The following MALRD1 variants were observed in gnomAD, a reference collection of about 807,000 sequenced individuals.
MALRD1 encodes the protein MAM and LDL-receptor class A domain-containing protein 1.
Under a neutral mutation model 242.1 loss-of-function variants are expected in MALRD1, and 247 were observed. That is an observed-to-expected ratio of 1.02 (90% CI 0.92 to 1.13). The LOEUF (loss-of-function observed/expected upper bound fraction) is 1.13, where lower values mean the gene tolerates loss of function less well. MALRD1 is among the 50% of genes most tolerant of loss of function. The pLI, the probability that MALRD1 is intolerant of heterozygous loss-of-function variation, is 0.00. For missense variants in MALRD1, 2,989 were observed against 2,533.1 expected (o/e 1.18, Z -3.86); for synonymous variants, 995 against 866.6 (o/e 1.15, Z -2.60).
chr10:19,517,325 G>A (rs1281609839), intron 31 of MALRD1, among the ~76,000 whole-genome samples: 1 of 152,126 alleles, frequency 6.6e-6, no homozygotes, highest in Non-Finnish European at 1.5e-5. Context: ...GTGAAAACAT[G>A]GGCAATTTCT....
At chr10:19,365,459 G>C (rs1048137842) in intron 26 of MALRD1, among the ~76,000 whole-genome samples, 1 of 151,876 alleles carries the variant, frequency 6.6e-6, no homozygotes, top group African/African-American at 2.4e-5. Context: ...CTAATTTTGT[G>C]ATCAAGAAAT....
intron 21 of MALRD1, among the ~76,000 whole-genome samples, chr10:19,302,168 A>G (rs569436208): frequency 5.1e-4 from 77 of 151,920 alleles, no homozygotes; most frequent in Non-Finnish European, 1.0e-3. Flanking sequence ...GCTAATGGTA[A>G]TGTAAAATTA....
At chr10:19,224,937 G>A (rs1341485249) in intron 18 of MALRD1, among the ~76,000 whole-genome samples, 3 of 152,036 alleles carry the variant, frequency 2.0e-5, no homozygotes, top group Non-Finnish European at 4.4e-5. Context: ...AATGGTATTG[G>A]CTAGGTTTTC....
At chr10:19,508,755 C>T (rs921697647) in intron 31 of MALRD1, among the ~76,000 whole-genome samples, 1 of 152,084 alleles carries the variant, frequency 6.6e-6, no homozygotes, top group African/African-American at 2.4e-5. Flanking sequence ...AATGTGGCTA[C>T]TAAATATTCT....
chr10:19,571,757 T>C (rs1836552601), intron 33 of MALRD1, among the ~76,000 whole-genome samples: 1 of 152,148 alleles, frequency 6.6e-6, no homozygotes, highest in African/African-American at 2.4e-5. Context: ...AAAAAGTCTA[T>C]ACCATTAAAA....
At chr10:19,355,440 TAAA>T (rs889224839) in intron 26 of MALRD1, among the ~76,000 whole-genome samples, 1 of 151,718 alleles carries the variant, frequency 6.6e-6, no homozygotes, top group African/African-American at 2.4e-5. Context: ...TACATTAAAA[TAAA>T]AAAGAGTATT....
chr10:19,068,989 ATAG>A (rs1171340302), intron 2 of MALRD1, among the ~76,000 whole-genome samples: 3 of 152,132 alleles, frequency 2.0e-5, no homozygotes, highest in Admixed American at 2.0e-4. Flanking sequence ...TATAGATAAA[ATAG>A]TAGTACTACA....
At chr10:19,379,393 TTGA>T (rs1845743303) in intron 26 of MALRD1, among the ~76,000 whole-genome samples, 1 of 152,130 alleles carries the variant, frequency 6.6e-6, no homozygotes, top group Non-Finnish European at 1.5e-5. Context: ...ACTTAGTTAA[TTGA>T]TTTTGGATCT....
At chr10:19,477,979 G>T (rs1836820409) in intron 29 of MALRD1, among the ~76,000 whole-genome samples, 1 of 152,142 alleles carries the variant, frequency 6.6e-6, no homozygotes, top group South Asian at 2.1e-4. Context: ...ACAGTTGCCG[G>T]CATTCGCCTG....
At chr10:19,658,600 A>G (rs1000702657) in intron 36 of MALRD1, among the ~76,000 whole-genome samples, 1 of 152,142 alleles carries the variant, frequency 6.6e-6, no homozygotes, top group African/African-American at 2.4e-5. Context: ...TGCTCTGTCA[A>G]AAGCTGGGCT....
At chr10:19,694,961 C>G (rs1833298046) in intron 38 of MALRD1, among the ~76,000 whole-genome samples, 2 of 152,136 alleles carry the variant, frequency 1.3e-5, no homozygotes, top group South Asian at 4.1e-4. Context: ...TCTCAGCAAA[C>G]TACCACAAGG....
intron 38 of MALRD1, among the ~76,000 whole-genome samples, chr10:19,718,945 T>C (rs1834553954): frequency 6.6e-6 from 1 of 151,282 alleles, no homozygotes; most frequent in South Asian, 2.1e-4. Flanking sequence ...GGCAGGAGGA[T>C]TGCTTGAGTC....
At chr10:19,339,413 G>A (rs896480963) in intron 24 of MALRD1, among the ~76,000 whole-genome samples, 1 of 152,064 alleles carries the variant, frequency 6.6e-6, no homozygotes, top group African/African-American at 2.4e-5. Context: ...TGCCCAAAAA[G>A]CTCCTCACAC....
At chr10:19,345,066 A>G (rs1050077976) in intron 24 of MALRD1, among the ~76,000 whole-genome samples, 1 of 152,150 alleles carries the variant, frequency 6.6e-6, no homozygotes, top group Non-Finnish European at 1.5e-5. Context: ...AAATAATAGG[A>G]TATGAAATTA....
At chr10:19,499,952 G>A (rs1837896168) in intron 31 of MALRD1, among the ~76,000 whole-genome samples, 1 of 152,134 alleles carries the variant, frequency 6.6e-6, no homozygotes, top group South Asian at 2.1e-4. Flanking sequence ...TGCATCTTAG[G>A]AATGAACCCT....
At chr10:19,591,857 G>A (rs1236334870) in intron 33 of MALRD1, among the ~76,000 whole-genome samples, 7 of 152,278 alleles carry the variant, frequency 4.6e-5, no homozygotes, top group Middle Eastern at 3.4e-3. Flanking sequence ...GATAAAGATA[G>A]TACATCTTCC....
At chr10:19,416,385 A>C (rs1034627008) in intron 28 of MALRD1, among the ~76,000 whole-genome samples, 1 of 152,206 alleles carries the variant, frequency 6.6e-6, no homozygotes, top group African/African-American at 2.4e-5. Context: ...GGCCAGAATA[A>C]ATGAATATTG....
chr10:19,237,928 G>A (rs796303723), intron 18 of MALRD1, among the ~76,000 whole-genome samples: 3,361 of 38,196 alleles, frequency 0.088, 235 homozygotes, highest in Admixed American at 0.12. Context: ...ATAATTATAT[G>A]TAATTTTATA....
At chr10:19,094,730 C>G (rs1315720082) in intron 4 of MALRD1, among the ~76,000 whole-genome samples, 1 of 152,188 alleles carries the variant, frequency 6.6e-6, no homozygotes, top group Admixed American at 6.5e-5. Context: ...ATTCCAAATG[C>G]TGTTGAAGTA....
Sources: gnomAD v4.1 joint callset for allele counts (sites outside exome capture counted in the v4.1 genomes callset) on GRCh38, gnomAD v4.1.1 for gene constraint, MANE v1.5 for transcripts, NCBI Gene and HGNC (gene_info 2026-07-23, HGNC 2026-07-21) for gene names.